Variants in ARID5B observed in about 807,000 individuals in gnomAD.
The protein encoded by ARID5B is AT-rich interactive domain-containing protein 5B.
Under a neutral mutation model 97.2 loss-of-function variants are expected in ARID5B, and 13 were observed. That is an observed-to-expected ratio of 0.13 (90% CI 0.09 to 0.21). The LOEUF (loss-of-function observed/expected upper bound fraction) is 0.21, where lower values mean the gene tolerates loss of function less well. Among genes scored for constraint, ARID5B ranks in the 10% least tolerant of loss-of-function variants. The pLI is 1.00. For synonymous variants in ARID5B, 556 were observed against 570.3 expected (o/e 0.97, Z 0.36); for missense variants, 1,210 against 1,465.3 (o/e 0.83, Z 2.84).
At chr10:61,921,468 C>T (rs950084121) in intron 2 of ARID5B, among the ~76,000 whole-genome samples, 4 of 152,216 alleles carry the variant, frequency 2.6e-5, no homozygotes, top group African/African-American at 9.6e-5. Flanking sequence ...TCTGGGTCTC[C>T]CTGGCTTCCT....
intron 8 of ARID5B, among the ~76,000 whole-genome samples, chr10:62,078,426 C>CTGCA (rs1182979485): frequency 1.3e-5 from 2 of 152,192 alleles, no homozygotes; most frequent in Non-Finnish European, 2.9e-5. Flanking sequence ...GAAGTTAAGG[C>CTGCA]TGCAGTAAGC....
At chr10:61,937,481 A>G (rs1379389022) in intron 2 of ARID5B, among the ~76,000 whole-genome samples, 4 of 152,232 alleles carry the variant, frequency 2.6e-5, no homozygotes, top group African/African-American at 9.6e-5. Context: ...GTTTAAAACA[A>G]TGACGAAAGG....
At chr10:62,019,383 C>T (rs1839325236) in intron 4 of ARID5B, among the ~76,000 whole-genome samples, 1 of 152,200 alleles carries the variant, frequency 6.6e-6, no homozygotes, top group South Asian at 2.1e-4. Context: ...AATAACCTTT[C>T]ACAACCACCG....
At chr10:62,071,185 G>T (rs898314918) in intron 8 of ARID5B, among the ~76,000 whole-genome samples, 2 of 152,006 alleles carry the variant, frequency 1.3e-5, no homozygotes, top group African/African-American at 4.8e-5. Context: ...ACAGGCACGT[G>T]CTACCACGCC....
intron 4 of ARID5B, among the ~76,000 whole-genome samples, chr10:62,016,116 C>A (rs966254327): frequency 6.6e-6 from 1 of 152,194 alleles, no homozygotes; most frequent in Admixed American, 6.5e-5. Flanking sequence ...GTGCTGTTTG[C>A]AGCCTACTGT....
rs749425245 is a variant in ARID5B, at chr10:62,000,366, G to T, written c.733+45G>T. On this transcript the variant is annotated intron_variant, in intron 4 of 9. Coordinates refer to ENST00000279873, the MANE Select transcript of ARID5B (RefSeq NM_032199.3). The surrounding 1 kb of genome is among the most constrained non-coding windows in gnomAD (Gnocchi z 4.4). ...TCCTACCTGATTCTTGTGCGTGTGT[G>T]CCTAGTTGTTTTCAGTTCTTCTGAA... The T allele has an allele frequency of 7.4e-5, 111 of 1,505,252 alleles. No individual in the cohort carries two copies. Among genetic ancestry groups the T allele is most frequent in the Non-Finnish European group, 9.5e-5 (106 of 1,111,028 alleles). 93.2% of individuals were successfully genotyped at this position (1,505,252 alleles called of 1,614,324 possible). A position where few individuals can be genotyped will look rare whatever the true frequency, so the allele number is the denominator to read the frequency against.
rs116114430 is a variant in ARID5B at position 62,016,149 on chromosome 10, C to T, written c.733+15828C>T. On this transcript the variant is annotated intron_variant, in intron 4 of 9. Transcript: ENST00000279873. The stretch of plus-strand genomic sequence containing the variant: ...TGTCCATAAGGCAAACTACAACCCA[C>T]GGGCCATGTGCAGCGCTCAGCCTGT... 5.3e-3 allele frequency among the ~76,000 whole-genome samples: 801 copies of T among 152,308 alleles called. 6 individuals are homozygous for T. Among genetic ancestry groups the T allele is most frequent in the African/African-American group, 0.018 (757 of 41,556 alleles).
chr10:61,928,073 C>G (rs1397910693), intron 2 of ARID5B, among the ~76,000 whole-genome samples: 1 of 152,054 alleles, frequency 6.6e-6, no homozygotes, highest in Non-Finnish European at 1.5e-5. Flanking sequence ...TCAGGCTGGT[C>G]CCTTCAGGCT....
rs991538366 is a variant in ARID5B at position 61,957,717 on chromosome 10, T to C, written c.502+17309T>C. Among the ~76,000 whole-genome samples the C allele has an allele frequency of 3.9e-5, 6 of 152,244 alleles. No individual in the cohort carries two copies. The East Asian group carries it at 1.2e-3, about 29-fold the overall frequency. ...TAGATGGCATGTTGAAATAATATTTTTGATATGTTGGATTAAATAAAATAT... is the reference window on the plus strand; with the variant it reads ...TAGATGGCATGTTGAAATAATATTTCTGATATGTTGGATTAAATAAAATAT... On this transcript the variant is annotated intron_variant, in intron 3 of 9. Coordinates refer to ENST00000279873, the MANE Select transcript of ARID5B (RefSeq NM_032199.3).
chr10:61,980,959 G>T, intron 3 of ARID5B, among the ~76,000 whole-genome samples: 1 of 152,170 alleles, frequency 6.6e-6, no homozygotes, highest in East Asian at 1.9e-4. Flanking sequence ...TGCTTCCGTG[G>T]CATCTGCCTT....
In ARID5B at chr10:62,092,687, C is replaced by T; in HGVS notation, c.3224C>T (p.Ser1075Phe). ...GSEGHKLPLSSPIFPGLYSGS... is the reference protein window; with the variant it reads ...GSEGHKLPLSFPIFPGLYSGS... ...GAAGGCCACAAGCTTCCCCTCTCCT[C>T]CCCTATCTTCCCAGGTCTGTATTCC... The change falls in exon 10 of 10, where the codon TCC (serine) becomes TTC (phenylalanine). Residue 1075 changes from serine to phenylalanine, a missense_variant. Physicochemically the swap from Ser to Phe is radical, Grantham distance 155. Around this residue, in one of 8 missense-constraint regions of ARID5B, gnomAD observed 800 missense variants for 839.1 expected, o/e 0.95. Coordinates refer to ENST00000279873, the MANE Select transcript of ARID5B (RefSeq NM_032199.3). 6.2e-7 allele frequency: 1 copy of T among 1,614,064 alleles called. No homozygotes were observed. The highest frequency in any genetic ancestry group is 8.5e-7 in the Non-Finnish European group (1 of 1,179,996).
rs552489971 is a variant in ARID5B, at chr10:61,988,812, G to A, written c.503-11279G>A. 3.3e-5 allele frequency among the ~76,000 whole-genome samples: 5 copies of A among 152,144 alleles called. No individual in the cohort carries two copies. The South Asian group carries it at 6.2e-4, about 19-fold the overall frequency. Reference sequence around the variant, plus strand: ...GCCACTAGCCACCTGTGACAACTAAGCCCTTGCAATGTGTCTTGTCCACTT... The same window carrying A: ...GCCACTAGCCACCTGTGACAACTAAACCCTTGCAATGTGTCTTGTCCACTT... On this transcript the variant is annotated intron_variant, in intron 3 of 9. Coordinates refer to ENST00000279873, the MANE Select transcript of ARID5B (RefSeq NM_032199.3).
At chr10:61,907,831 G>A (rs1335332909) in intron 2 of ARID5B, among the ~76,000 whole-genome samples, 1 of 152,246 alleles carries the variant, frequency 6.6e-6, no homozygotes, top group African/African-American at 2.4e-5. Flanking sequence ...GGCTCCAACA[G>A]CAGAGTTGAG....
chr10:62,010,741 G>T (rs1434508985), intron 4 of ARID5B, among the ~76,000 whole-genome samples: 3 of 152,194 alleles, frequency 2.0e-5, no homozygotes, highest in Non-Finnish European at 4.4e-5. Flanking sequence ...AACCTAGAAG[G>T]ATGTCTTCCT....
intron 2 of ARID5B, among the ~76,000 whole-genome samples, chr10:61,924,924 G>C (rs531815486): frequency 6.6e-6 from 1 of 152,200 alleles, no homozygotes; most frequent in African/African-American, 2.4e-5. Flanking sequence ...GATGAAAAAG[G>C]CTGGGCATAG....
intron 4 of ARID5B, among the ~76,000 whole-genome samples, chr10:62,029,318 A>T (rs1839464727): frequency 1.3e-5 from 2 of 152,224 alleles, no homozygotes; most frequent in Non-Finnish European, 2.9e-5. Flanking sequence ...GGAAGTTGAG[A>T]ATTATATCTA....
chr10:62,002,770 G>A (rs1438591423), intron 4 of ARID5B, among the ~76,000 whole-genome samples: 2 of 152,120 alleles, frequency 1.3e-5, no homozygotes, highest in Non-Finnish European at 2.9e-5. Flanking sequence ...ATTAAACACT[G>A]CCAGATGACT....
intron 3 of ARID5B, among the ~76,000 whole-genome samples, chr10:61,977,469 C>T (rs1441206593): frequency 1.3e-5 from 2 of 152,216 alleles, no homozygotes; most frequent in Non-Finnish European, 2.9e-5. Context: ...TTTACAGTCC[C>T]ACCAACAGTG....
chr10:62,023,304 C>T (rs1367829882), intron 4 of ARID5B, among the ~76,000 whole-genome samples: 1 of 152,206 alleles, frequency 6.6e-6, no homozygotes, highest in Non-Finnish European at 1.5e-5. Context: ...GCACTCTTCC[C>T]CATATTGCCT....
Sources: gnomAD v4.1 joint callset for allele counts (sites outside exome capture counted in the v4.1 genomes callset) on GRCh38, gnomAD v4.1.1 for gene constraint, gnomAD v4.1.1 regional missense constraint, Gnocchi (gnomAD v3.1) non-coding constraint, MANE v1.5 for transcripts, NCBI Gene and HGNC (gene_info 2026-07-23, HGNC 2026-07-21) for gene names.